The following NLRP14 variants were observed in gnomAD, a reference collection of about 807,000 sequenced individuals.
The protein encoded by NLRP14 is NLR family pyrin domain containing 14.
A neutral mutation model predicts 94.7 loss-of-function variants in NLRP14; 105 were observed. The observed-to-expected ratio is 1.11, with a 90% CI of 0.95 to 1.30. The LOEUF is 1.30. NLRP14 is among the 50% of genes most tolerant of loss of function. The pLI is 0.00. For synonymous variants in NLRP14, 508 were observed against 459.9 expected, an observed-to-expected ratio of 1.10 and a Z score of -1.34; for missense variants, 1,362 against 1,254.1, an observed-to-expected ratio of 1.09 and a Z score of -1.30.
intron 10 of NLRP14, among the ~76,000 whole-genome samples, chr11:7,068,369 T>C (rs1238750160): frequency 1.3e-5 from 2 of 152,222 alleles, no homozygotes; most frequent in Non-Finnish European, 2.9e-5. Context: ...TCCCTTCAAA[T>C]GACTGCGTTA....
intron 10 of NLRP14, among the ~76,000 whole-genome samples, chr11:7,065,280 T>G (rs1852688539): frequency 1.3e-5 from 2 of 152,154 alleles, no homozygotes; most frequent in Admixed American, 1.3e-4. Context: ...ATTTTGTTAC[T>G]GGTTAACTTT....
At chr11:7,075,507 A>G (rs921923471), downstream of NLRP14, among the ~76,000 whole-genome samples, 3 of 152,208 alleles carry the variant, frequency 2.0e-5, no homozygotes, top group African/African-American at 7.2e-5. Flanking sequence ...ATGATGAGGA[A>G]TGTTTATCTT....
At position 7,069,572 on chromosome 11, in the gene NLRP14, A is replaced by C. The variant is rs77873690; in HGVS notation, c.2976-714A>C. ...TATTCGAAATAGGCCATGTAATTGCATTTTTATTTGCATCAATGGCATGAT... is the reference window on the plus strand; with the variant it reads ...TATTCGAAATAGGCCATGTAATTGCCTTTTTATTTGCATCAATGGCATGAT... On this transcript the variant is annotated intron_variant, in intron 10 of 11. Transcript: ENST00000299481. 5.8e-3 allele frequency among the ~76,000 whole-genome samples: 888 copies of C among 152,216 alleles called. 7 individuals carry two copies. Among genetic ancestry groups the C allele is most frequent in the African/African-American group, 0.021 (856 of 41,542 alleles).
downstream of NLRP14, among the ~76,000 whole-genome samples, chr11:7,075,535 C>T (rs1852864957): frequency 6.6e-6 from 1 of 152,132 alleles, no homozygotes; most frequent in African/African-American, 2.4e-5. Context: ...TAGCAATACG[C>T]TTAGAAGCAT....
chr11:7,033,168 T>A (rs1413470120), intron 1 of NLRP14, among the ~76,000 whole-genome samples: 2 of 152,360 alleles, frequency 1.3e-5, no homozygotes, highest in East Asian at 3.9e-4. Flanking sequence ...ATAGATGAAC[T>A]CTTGGATCTT....
intron 1 of NLRP14, among the ~76,000 whole-genome samples, chr11:7,027,967 A>C (rs1274294662): frequency 6.6e-6 from 1 of 152,040 alleles, no homozygotes; most frequent in African/African-American, 2.4e-5. Flanking sequence ...AAACAATTTT[A>C]TTACCGCCTC....
Position 7,058,404 on chromosome 11 carries a change from A to G in NLRP14, c.2587A>G (p.Met863Val). Residue 863 changes from methionine to valine, a missense_variant, in exon 8 of 12, where the codon ATG becomes GTG. Physicochemically the swap from Met to Val is conservative, Grantham distance 21 (BLOSUM62 1). Transcript: ENST00000299481. ...CTTGGGTGATGGTGGAGTAAAGCTT[A>G]TGAGTGATGCCCTGCAACATGCACA... ...NVLGDGGVKL[M>V]SDALQHAQCT... The G allele has an allele frequency of 6.2e-7, 1 of 1,612,882 alleles. No homozygotes were observed. The highest frequency in any genetic ancestry group is 8.5e-7 in the Non-Finnish European group (1 of 1,179,036).
the NLRP14 span, among the ~76,000 whole-genome samples, chr11:7,085,657 GT>G: frequency 1.3e-5 from 2 of 148,148 alleles, no homozygotes; most frequent in Non-Finnish European, 3.0e-5. Flanking sequence ...ATACCACTAA[GT>G]CCCTGATATA....
the NLRP14 span, chr11:7,089,780 C>T: frequency 4.4e-6 from 7 of 1,591,500 alleles, no homozygotes; most frequent in South Asian, 1.1e-5. Context: ...GAGACGGCTA[C>T]TCGAGCCGAG....
chr11:7,043,346 C>T lies in NLRP14; in HGVS notation c.1320C>T (p.Tyr440=), dbSNP rs145713104. The T allele has an allele frequency of 7.1e-5, 115 of 1,614,124 alleles. 1 individual carries two copies. The Admixed American group carries it at 1.5e-3, about 21-fold the overall frequency. ...VAAKGIWTMT[Y]VFYRENLRRL... ...CCAAAGGAATATGGACTATGACTTA[C>T]GTGTTTTACAGAGAAAATCTCAGAA... The change falls in exon 4 of 12, where the codon TAC becomes TAT. Residue 440 remains tyrosine (Y), a synonymous_variant. Transcript: ENST00000299481.
At chr11:7,080,163 C>G in the NLRP14 span, among the ~76,000 whole-genome samples, 11 of 152,168 alleles carry the variant, frequency 7.2e-5, no homozygotes, top group Non-Finnish European at 1.3e-4. Context: ...GTTTAGGTAT[C>G]CTGGGGACCC....
rs1852536470 is a variant in NLRP14 at position 7,057,644 on chromosome 11, T to C, written c.2292-33T>C. On this transcript the variant is annotated intron_variant, in intron 6 of 11. Coordinates refer to ENST00000299481, the MANE Select transcript of NLRP14 (RefSeq NM_176822.4). Reference sequence around the variant, plus strand: ...TTGGTTGTAATTATTCTCTAAGGAGTGGTCATTCCTGCTTTTCTGTGTTGT... The same window carrying C: ...TTGGTTGTAATTATTCTCTAAGGAGCGGTCATTCCTGCTTTTCTGTGTTGT... 6 of 1,596,524 alleles carry C rather than the reference T, an allele frequency of 3.8e-6. No individual in the cohort carries two copies. In the South Asian group the frequency reaches 5.5e-5, roughly 15 times the overall value.
intron 10 of NLRP14, among the ~76,000 whole-genome samples, chr11:7,066,487 G>T (rs1247241181): frequency 6.6e-6 from 1 of 152,016 alleles, no homozygotes; most frequent in East Asian, 1.9e-4. Context: ...TCATATGTTT[G>T]TTGGCCACAT....
At chr11:7,076,543 A>C in the NLRP14 span, among the ~76,000 whole-genome samples, 2 of 151,994 alleles carry the variant, frequency 1.3e-5, no homozygotes, top group Non-Finnish European at 2.9e-5. Flanking sequence ...CTGGCCACTC[A>C]GCTCCTCTTC....
At position 7,046,739 on chromosome 11, in the gene NLRP14, A is replaced by G. The variant is rs375068473; in HGVS notation, c.2030A>G (p.Glu677Gly). The change falls in exon 5 of 12, where the codon GAA becomes GGA. Residue 677 changes from glutamate (E) to glycine (G), a missense_variant. By Grantham distance (98) the Glu-to-Gly change is moderately conservative. Transcript: ENST00000299481. ...CTTCATACAAATGAACACTTGAGAG[A>G]ATTGGACCTGTACCATAGCAACCTT... ...SVLHTNEHLR[E>G]LDLYHSNLDK... is the part of the protein sequence containing the mutation. 38 of 1,613,294 alleles carry G rather than the reference A, an allele frequency of 2.4e-5. No homozygotes were observed. Among genetic ancestry groups the G allele is most frequent in the Middle Eastern group, 1.6e-4 (1 of 6,084 alleles).
chr11:7,072,569 C>A (rs1852817167), downstream of NLRP14, among the ~76,000 whole-genome samples: 3 of 152,220 alleles, frequency 2.0e-5, no homozygotes, highest in Admixed American at 1.3e-4. Context: ...GTTGATCCCT[C>A]CCTTGGGCGG....
chr11:7,046,589 T>G, intron 4 of NLRP14, 79 bp from the exon 5 acceptor site: 1 of 1,342,764 alleles, frequency 7.4e-7, no homozygotes, highest in Non-Finnish European at 1.1e-6. Flanking sequence ...TTACTTTTAC[T>G]CCAATACTAT....
At chr11:7,044,608 G>A (rs1491821) in intron 4 of NLRP14, among the ~76,000 whole-genome samples, 85,987 of 151,888 alleles carry the variant, frequency 0.57, 25,076 homozygotes, top group East Asian at 0.74. Flanking sequence ...TGAACCTTAA[G>A]TGTTTTACGT....
the NLRP14 span, chr11:7,090,154 G>C: frequency 6.2e-7 from 1 of 1,613,840 alleles, no homozygotes; most frequent in Non-Finnish European, 8.5e-7. Context: ...CGGGTGGGCA[G>C]ACCAGATCGT....
Sources: allele counts gnomAD v4.1 joint callset (sites outside exome capture counted in the v4.1 genomes callset), GRCh38; gene constraint gnomAD v4.1.1; transcripts MANE v1.5; gene names NCBI Gene and HGNC (gene_info 2026-07-23, HGNC 2026-07-21).